AKAP12: variants seen among roughly 807,000 people sequenced by gnomAD.
The protein encoded by AKAP12 is A-kinase anchor protein 12.
Under a neutral mutation model 79.9 loss-of-function variants are expected in AKAP12, and 32 were observed. That is an observed-to-expected ratio of 0.40 (90% confidence interval 0.30 to 0.54). The LOEUF (loss-of-function observed/expected upper bound fraction) is 0.54. AKAP12 is among the 20% of genes least tolerant of loss of function. The probability of loss-of-function intolerance (pLI) is 0.48; values close to 1 mark genes in which losing one functional copy is unlikely to be tolerated. For synonymous variants in AKAP12, 808 were observed against 857.0 expected (o/e 0.94, Z 1.00); for missense variants, 2,074 against 2,177.0 (o/e 0.95, Z 0.94).
chr6:151,260,640 A>G (rs1797408419), intron 2 of AKAP12, among the ~76,000 whole-genome samples: 1 of 152,154 alleles, frequency 6.6e-6, no homozygotes, highest in Non-Finnish European at 1.5e-5. Context: ...GCCAGGCTGT[A>G]AGAGCTCTTT....
intron 2 of AKAP12, among the ~76,000 whole-genome samples, chr6:151,285,554 T>G (rs138580185): frequency 3.0e-4 from 45 of 152,192 alleles, no homozygotes; most frequent in Middle Eastern, 3.4e-3. Context: ...GCAAAGTCCT[T>G]TCTTGCGGTG....
chr6:151,326,899 C>T (rs1215088154), intron 3 of AKAP12, among the ~76,000 whole-genome samples: 2 of 152,042 alleles, frequency 1.3e-5, no homozygotes, highest in African/African-American at 2.4e-5. Flanking sequence ...TTACTGCAAC[C>T]TCCACCTCCT....
chr6:151,340,087 G>A (rs912360978), intron 3 of AKAP12, among the ~76,000 whole-genome samples: 5 of 151,860 alleles, frequency 3.3e-5, no homozygotes, highest in African/African-American at 1.2e-4. Context: ...CACAATGCCC[G>A]GCTAATTTTT....
chr6:151,278,260 G>A (rs2114720479), intron 2 of AKAP12, among the ~76,000 whole-genome samples: 1 of 152,348 alleles, frequency 6.6e-6, no homozygotes, highest in South Asian at 2.1e-4. Context: ...CTGTCACTCA[G>A]GTTGGAGTAA....
chr6:151,255,700 G>A (rs150383380), intron 2 of AKAP12, among the ~76,000 whole-genome samples: 1 of 152,214 alleles, frequency 6.6e-6, no homozygotes, highest in African/African-American at 2.4e-5. Context: ...TGAGGTGGGA[G>A]GATTGCTTGA....
At chr6:151,347,520 C>T (rs1019030692) in intron 3 of AKAP12, among the ~76,000 whole-genome samples, 2 of 152,142 alleles carry the variant, frequency 1.3e-5, no homozygotes, top group African/African-American at 2.4e-5. Flanking sequence ...TTAGAGGTGC[C>T]GTGACTACTT....
intron 3 of AKAP12, among the ~76,000 whole-genome samples, chr6:151,307,818 C>T (rs1347136320): frequency 1.3e-5 from 2 of 152,122 alleles, no homozygotes; most frequent in Non-Finnish European, 2.9e-5. Context: ...CCTCGGAGGT[C>T]TGAGCAAATA....
At chr6:151,348,519 G>C in intron 3 of AKAP12, 192 bp from the exon 4 acceptor site, 1 of 621,362 alleles carries the variant, frequency 1.6e-6, no homozygotes, top group Non-Finnish European at 2.9e-6. Flanking sequence ...TGTGCCTGTA[G>C]TCCCAGCTAC....
intron 2 of AKAP12, among the ~76,000 whole-genome samples, chr6:151,265,057 G>A (rs563039955): frequency 2.6e-5 from 4 of 151,718 alleles, no homozygotes; most frequent in South Asian, 2.1e-4. Context: ...AGGCTGAGAC[G>A]GGAGAATTGC....
chr6:151,321,206 T>C (rs1203094536), intron 3 of AKAP12, among the ~76,000 whole-genome samples: 7 of 152,074 alleles, frequency 4.6e-5, no homozygotes, highest in Non-Finnish European at 8.8e-5. Context: ...AGGCTGGTCT[T>C]GAACTCCTGA....
chr6:151,268,574 T>C (rs1776104801), intron 2 of AKAP12, among the ~76,000 whole-genome samples: 1 of 152,272 alleles, frequency 6.6e-6, no homozygotes, highest in African/African-American at 2.4e-5. Flanking sequence ...ATACCCATAT[T>C]ATATGGAAAC....
At chr6:151,295,557 A>T (rs1776707167) in intron 2 of AKAP12, among the ~76,000 whole-genome samples, 2 of 152,208 alleles carry the variant, frequency 1.3e-5, no homozygotes, top group Admixed American at 1.3e-4. Flanking sequence ...GCCTTCCTTA[A>T]ATAGCAAGCA....
At chr6:151,257,811 TAA>T (rs1435858497) in intron 2 of AKAP12, among the ~76,000 whole-genome samples, 1 of 152,202 alleles carries the variant, frequency 6.6e-6, no homozygotes, top group Non-Finnish European at 1.5e-5. Flanking sequence ...ATCTCCTTAT[TAA>T]GTTACATCTG....
At chr6:151,339,880 A>AT (rs1467012521) in intron 3 of AKAP12, among the ~76,000 whole-genome samples, 2 of 151,248 alleles carry the variant, frequency 1.3e-5, no homozygotes, top group African/African-American at 4.9e-5. Context: ...AGCTATATAC[A>AT]TTTAAGTTCC....
Position 151,353,230 on chromosome 6 carries a change from A to C in AKAP12, c.4839A>C (p.Ser1613=). The C allele has an allele frequency of 6.2e-7, 1 of 1,614,206 alleles. No individual in the cohort carries two copies. Among genetic ancestry groups the C allele is most frequent in the Non-Finnish European group, 8.5e-7 (1 of 1,180,032 alleles). Residue 1613 remains serine (S), a synonymous_variant, in exon 4 of 5, where the codon TCA becomes TCC. Transcript: ENST00000402676. Reference sequence around the variant, plus strand: ...CACAGGATGAAACACCAATTACTTCAGCCAAAGAGGAGTCAGAGTCAACCG... The same window carrying C: ...CACAGGATGAAACACCAATTACTTCCGCCAAAGAGGAGTCAGAGTCAACCG... ...ASAQDETPIT[S]AKEESESTAV... is the part of the protein sequence containing the mutation.
At chr6:151,325,035 T>C (rs1387505448) in intron 3 of AKAP12, 1 of 985,344 alleles carries the variant, frequency 1.0e-6, no homozygotes, top group Admixed American at 6.1e-5. Flanking sequence ...AAGTCTGCTT[T>C]TGAAAAGTTG....
chr6:151,336,832 G>A (rs1171937563), intron 3 of AKAP12, among the ~76,000 whole-genome samples: 1 of 152,220 alleles, frequency 6.6e-6, no homozygotes, highest in African/African-American at 2.4e-5. Flanking sequence ...TGCTGAGAAT[G>A]TTTTTGTATG....
At chr6:151,295,044 A>G (rs777400775) in intron 2 of AKAP12, among the ~76,000 whole-genome samples, 10 of 152,188 alleles carry the variant, frequency 6.6e-5, no homozygotes, top group Non-Finnish European at 1.0e-4. Flanking sequence ...AGCACAGAAC[A>G]CTTCTGAGAT....
chr6:151,319,061 CAAG>C (rs1777300873), intron 3 of AKAP12, among the ~76,000 whole-genome samples: 1 of 152,140 alleles, frequency 6.6e-6, no homozygotes, highest in South Asian at 2.1e-4. Context: ...TATGTGGACT[CAAG>C]GAGAGAAATA....
Sources: allele counts gnomAD v4.1 joint callset (sites outside exome capture counted in the v4.1 genomes callset), GRCh38; gene constraint gnomAD v4.1.1; transcripts MANE v1.5; gene names NCBI Gene and HGNC (gene_info 2026-07-23, HGNC 2026-07-21).